NBAS: variants seen among roughly 807,000 people sequenced by gnomAD.
NBAS encodes the protein NBAS subunit of NRZ tethering complex.
In NBAS, 219 loss-of-function variants were observed where a neutral mutation model predicts 302.5. The observed-to-expected ratio is 0.72, with a 90% CI of 0.65 to 0.81. NBAS has a LOEUF of 0.81. NBAS is among the 30% of genes least tolerant of loss of function. The pLI is 0.00. For missense variants in NBAS, 2,932 were observed against 2,841.6 expected (o/e 1.03, Z -0.72); for synonymous variants, 1,118 against 1,021.6 (o/e 1.09, Z -1.80).
chr2:14,904,627 CTG>C, the NBAS span, among the ~76,000 whole-genome samples: 37 of 93,982 alleles, frequency 3.9e-4, 1 homozygote, highest in Admixed American at 9.8e-4. Flanking sequence ...GTATGATAGG[CTG>C]TGTCACAGTC....
At chr2:15,439,466 A>G (rs1362487806) in intron 21 of NBAS, among the ~76,000 whole-genome samples, 4 of 151,768 alleles carry the variant, frequency 2.6e-5, no homozygotes, top group Non-Finnish European at 5.9e-5. Context: ...GCTTCAGAAT[A>G]CTTTCAGGGA....
intron 47 of NBAS, among the ~76,000 whole-genome samples, chr2:15,230,741 G>A (rs917101933): frequency 2.0e-4 from 30 of 152,142 alleles, no homozygotes; most frequent in Admixed American, 7.2e-4. Context: ...AAGAAGCTGC[G>A]CTGCGGATGG....
At chr2:14,881,108 T>A in the NBAS span, among the ~76,000 whole-genome samples, 1 of 152,110 alleles carries the variant, frequency 6.6e-6, no homozygotes, top group Non-Finnish European at 1.5e-5. Context: ...AACAGTGAAT[T>A]GGATAAAGGA....
intron 12 of NBAS, 85 bp downstream of exon 12, chr2:15,488,809 C>G: frequency 1.3e-6 from 2 of 1,530,196 alleles, no homozygotes; most frequent in Non-Finnish European, 1.8e-6. Context: ...CAGCTGTGTA[C>G]TATAGTAAAA....
intron 6 of NBAS, among the ~76,000 whole-genome samples, chr2:15,548,736 A>G (rs1553336747): frequency 6.6e-6 from 1 of 151,848 alleles, no homozygotes; most frequent in Non-Finnish European, 1.5e-5. Flanking sequence ...AAACATGAAG[A>G]TGTACAAATG....
chr2:15,010,456 C>G, the NBAS span, among the ~76,000 whole-genome samples: 1 of 152,134 alleles, frequency 6.6e-6, no homozygotes. Context: ...CACCCCCCAC[C>G]TTATACCCCT....
At chr2:15,295,335 G>C (rs953158334) in intron 40 of NBAS, among the ~76,000 whole-genome samples, 4 of 152,108 alleles carry the variant, frequency 2.6e-5, no homozygotes, top group African/African-American at 9.7e-5. Flanking sequence ...TACAATCTTC[G>C]CATGTGACAA....
At chr2:15,034,033 G>A in the NBAS span, among the ~76,000 whole-genome samples, 233 of 56,252 alleles carry the variant, frequency 4.1e-3, 4 homozygotes, top group South Asian at 7.5e-3. Context: ...AGAAGAGGAG[G>A]AGGAAGGAGG....
the NBAS span, among the ~76,000 whole-genome samples, chr2:14,932,223 C>T: frequency 6.6e-6 from 1 of 152,140 alleles, no homozygotes; most frequent in African/African-American, 2.4e-5. Flanking sequence ...CTGGCATGAA[C>T]CAACCTTTGC....
the NBAS span, among the ~76,000 whole-genome samples, chr2:14,867,807 G>T: frequency 6.6e-6 from 1 of 152,132 alleles, no homozygotes; most frequent in African/African-American, 2.4e-5. Context: ...TGTTTTAAAC[G>T]TGCTTACCCA....
chr2:15,517,361 T>C (rs1662447975), intron 9 of NBAS, among the ~76,000 whole-genome samples: 1 of 152,152 alleles, frequency 6.6e-6, no homozygotes, highest in Admixed American at 6.5e-5. Context: ...ATAACCAAAT[T>C]GTTCAGGAAA....
At chr2:15,419,307 C>T (rs988693249) in intron 23 of NBAS, among the ~76,000 whole-genome samples, 1 of 149,532 alleles carries the variant, frequency 6.7e-6, no homozygotes, top group Non-Finnish European at 1.5e-5. Flanking sequence ...ATCTAATCCA[C>T]AGCAGAAATT....
the NBAS span, among the ~76,000 whole-genome samples, chr2:14,935,618 C>T: frequency 6.6e-6 from 1 of 152,026 alleles, no homozygotes; most frequent in African/African-American, 2.4e-5. Flanking sequence ...GTCTGTTATG[C>T]CAATAATCCC....
the NBAS span, among the ~76,000 whole-genome samples, chr2:14,798,917 A>G: frequency 6.6e-6 from 1 of 152,084 alleles, no homozygotes; most frequent in East Asian, 1.9e-4. Context: ...AATGTCATAT[A>G]TTTCATTCCT....
At chr2:15,380,716 A>C (rs1407156781) in intron 29 of NBAS, among the ~76,000 whole-genome samples, 1 of 152,220 alleles carries the variant, frequency 6.6e-6, no homozygotes, top group Admixed American at 6.5e-5. Flanking sequence ...ACAATGTTAC[A>C]TATAATTAGT....
the NBAS span, among the ~76,000 whole-genome samples, chr2:14,916,782 C>A: frequency 6.6e-6 from 1 of 152,178 alleles, no homozygotes; most frequent in Non-Finnish European, 1.5e-5. Flanking sequence ...GCTAAGTCTA[C>A]AATCTCAGAG....
chr2:15,528,973 T>C (rs1305543791), intron 9 of NBAS, among the ~76,000 whole-genome samples: 4 of 151,008 alleles, frequency 2.6e-5, no homozygotes, highest in Admixed American at 2.0e-4. Flanking sequence ...AGAATTGCTC[T>C]CCATCTTTAC....
At chr2:15,001,744 G>A in the NBAS span, among the ~76,000 whole-genome samples, 73 of 152,138 alleles carry the variant, frequency 4.8e-4, 1 homozygote, top group East Asian at 0.013. Context: ...TCTGATGTTC[G>A]GATGTGTTCG....
the NBAS span, among the ~76,000 whole-genome samples, chr2:15,131,038 C>T: frequency 9.7e-4 from 148 of 152,218 alleles, 2 homozygotes; most frequent in East Asian, 0.018. Context: ...ACATATTATA[C>T]GCCAACCCTT....
Sources: allele counts gnomAD v4.1 joint callset (sites outside exome capture counted in the v4.1 genomes callset), GRCh38; gene constraint gnomAD v4.1.1; transcripts MANE v1.5; gene names NCBI Gene and HGNC (gene_info 2026-07-23, HGNC 2026-07-21).